GPAT2: variants seen among roughly 807,000 people sequenced by gnomAD.
GPAT2 encodes the protein glycerol-3-phosphate acyltransferase 2, mitochondrial, also known as 1-acylglycerol-3-phosphate O-acyltransferase GPAT2.
In GPAT2, 51 loss-of-function variants were observed where a neutral mutation model predicts 71.0. That is an observed-to-expected ratio of 0.72 (90% confidence interval 0.57 to 0.91). GPAT2 has a LOEUF of 0.91. GPAT2 is among the 40% of genes least tolerant of loss of function. The probability of loss-of-function intolerance (pLI) is 0.00; values close to 1 mark genes in which losing one functional copy is unlikely to be tolerated. For missense variants in GPAT2, 511 were observed against 666.0 expected, an observed-to-expected ratio of 0.77 and a Z score of 2.56; for synonymous variants, 222 against 290.3, an observed-to-expected ratio of 0.76 and a Z score of 2.39.
At position 96,022,730 on chromosome 2, in the gene GPAT2, A is replaced by G; in HGVS notation, c.2234-7T>C. The G allele has an allele frequency of 6.2e-7, 1 of 1,613,986 alleles. No individual in the cohort carries two copies. Among genetic ancestry groups the G allele is most frequent in the Non-Finnish European group, 8.5e-7 (1 of 1,179,864 alleles). On this transcript the variant is annotated splice_polypyrimidine_tract_variant and splice_region_variant and intron_variant, in intron 20 of 21. Coordinates refer to ENST00000434632, the MANE Select transcript of GPAT2 (RefSeq NM_001321527.2). ...AGCTTTGGGTCCGCACACTCTGGAA[A>G]GAAGAGAGAAGTGAAGGCTCTAGGT...
Position 96,026,021 on chromosome 2 carries a change from G to A in GPAT2, c.1156-9C>T, listed in dbSNP as rs752412297. On this transcript the variant is annotated splice_polypyrimidine_tract_variant and intron_variant, in intron 11 of 21. Coordinates refer to ENST00000434632, the MANE Select transcript of GPAT2 (RefSeq NM_001321527.2). ...GCACTGACGATGTATTCCTGCCCAA[G>A]AGAAGGCTCTTAGGTGGCCTGCTCG... 4 of 1,612,634 alleles carry A rather than the reference G, an allele frequency of 2.5e-6. No homozygotes were observed. The highest frequency in any genetic ancestry group is 2.5e-6 in the Non-Finnish European group (3 of 1,179,714).
At chr2:96,024,726 C>G (rs758112569) in intron 14 of GPAT2, 41 bp from the exon 15 acceptor site, 4 of 1,612,458 alleles carry the variant, frequency 2.5e-6, no homozygotes, top group Non-Finnish European at 3.4e-6. Context: ...GGCCACACAT[C>G]GCCACCCCCC....
intron 13 of GPAT2, 119 bp from the exon 14 acceptor site, chr2:96,024,962 G>C: frequency 8.7e-7 from 1 of 1,146,452 alleles, no homozygotes; most frequent in South Asian, 1.2e-5. Flanking sequence ...GATGAGGAAC[G>C]TACACCCGGA....
chr2:96,024,682 C>T lies in GPAT2; in HGVS notation c.1432G>A (p.Val478Met), dbSNP rs201311359. The T allele has an allele frequency of 1.2e-6, 2 of 1,613,840 alleles. No homozygotes were observed. The highest frequency in any genetic ancestry group is 1.7e-6 in the Non-Finnish European group (2 of 1,179,932). Residue 478 changes from valine (V) to methionine (M), a missense_variant, in exon 15 of 22, where the codon GTG (valine) becomes ATG (methionine). Val to Met is a conservative substitution (Grantham distance 21, BLOSUM62 1). Around this residue, in one of 7 missense-constraint regions of GPAT2, gnomAD observed 295 missense variants for 305.5 expected, o/e 0.97. Transcript: ENST00000434632. ...TCCCCCAGGAGCTGCGACAGGAACA[C>T]ACCCTGGGTGGGCAGAGCAGGGCTA... ...TLLLFKHQKG[V>M]FLSQLLGEFS...
chr2:96,022,026 A>G lies in GPAT2; in HGVS notation c.*133T>C. ...AGAAGGGAAAAAGCAAGAGATGGCA[A>G]GGGACAATCAAGCCTCAATGATTAT... is the stretch of plus-strand genomic sequence containing the variant. On this transcript the variant is annotated 3_prime_UTR_variant, in exon 22 of 22. Transcript: ENST00000434632. 1 of 1,468,998 alleles carries G rather than the reference A, an allele frequency of 6.8e-7. No homozygotes were observed. Among genetic ancestry groups the G allele is most frequent in the Non-Finnish European group, 9.0e-7 (1 of 1,107,242 alleles). 91.0% of individuals were successfully genotyped at this position (1,468,998 alleles called of 1,614,324 possible). A position where few individuals can be genotyped will look rare whatever the true frequency, so the allele number is the denominator to read the frequency against.
Position 96,025,034 on chromosome 2 carries a change from A to C in GPAT2, c.1358-191T>G, listed in dbSNP as rs796588865. 3.0e-5 allele frequency: 20 copies of C among 661,752 alleles called. No individual in the cohort carries two copies. The African/African-American group carries it at 3.6e-4, about 12-fold the overall frequency. The allele number at this position is 661,752 out of a possible 1,614,324, so 41.0% of individuals were successfully genotyped here. A position where few individuals can be genotyped will look rare whatever the true frequency, so the allele number is the denominator to read the frequency against. ...CCAGGAGCTGGGGGCCTTCCCCTGG[A>C]TCTCATCGTAGGGCCCACACATCAA... On this transcript the variant is annotated intron_variant, in intron 13 of 21. Transcript: ENST00000434632.
rs1680107415 is a variant in GPAT2 at position 96,024,343 on chromosome 2, G to C, written c.1688-6C>G. ...CAGCCCCCGCACTGCACAGGCTGGG[G>C]GCGGAGGGTCCATTATGAAGAAGGA... On this transcript the variant is annotated splice_region_variant and splice_polypyrimidine_tract_variant and intron_variant, in intron 15 of 21. Transcript: ENST00000434632. The C allele has an allele frequency of 6.3e-7, 1 of 1,594,588 alleles. No individual in the cohort carries two copies. Among genetic ancestry groups the C allele is most frequent in the Non-Finnish European group, 8.6e-7 (1 of 1,167,750 alleles).
In GPAT2 at chr2:96,022,245, G is replaced by A; in HGVS notation, c.2320C>T (p.Pro774Ser). 1 of 1,606,372 alleles carries A rather than the reference G, an allele frequency of 6.2e-7. No individual in the cohort carries two copies. Among genetic ancestry groups the A allele is most frequent in the Non-Finnish European group, 8.5e-7 (1 of 1,176,632 alleles). ...AAAGTAGGGGACAGGTGGAGCCTGGGGCCTGCAGGGCTCGGCGTCTGCTGC... is the reference window on the plus strand; with the variant it reads ...AAAGTAGGGGACAGGTGGAGCCTGGAGCCTGCAGGGCTCGGCGTCTGCTGC... Reference protein sequence around the residue: ...VLQQTPSPAGPRLHLSPTFAS... With the variant: ...VLQQTPSPAGSRLHLSPTFAS... The change falls in exon 22 of 22, where the codon CCC becomes TCC. Residue 774 changes from proline to serine, a missense_variant. Pro to Ser is a moderately conservative substitution (Grantham distance 74). Transcript: ENST00000434632.
Position 96,023,929 on chromosome 2 carries a change from A to T in GPAT2, c.1908T>A (p.Ala636=), listed in dbSNP as rs372898510. Residue 636 remains alanine (A), a synonymous_variant, in exon 17 of 22, where the codon GCT becomes GCA. Coordinates refer to ENST00000434632, the MANE Select transcript of GPAT2 (RefSeq NM_001321527.2). ...DRLIQCGLLV[A]EETPGSRPAC... ...CTCCAACTGCCCTGCCTACCTCCTC[A>T]GCAACCAGGAGCCCGCATTGGATGA... 425 of 1,599,166 alleles carry T rather than the reference A, an allele frequency of 2.7e-4. 2 individuals carry two copies. In the African/African-American group the frequency reaches 5.2e-3, roughly 19 times the overall value.
Position 96,023,025 on chromosome 2 carries a change from T to A in GPAT2, c.2168-2A>T. On this transcript the variant is annotated splice_acceptor_variant, in intron 19 of 21. Coordinates refer to ENST00000434632, the MANE Select transcript of GPAT2 (RefSeq NM_001321527.2). LOFTEE classifies it high-confidence loss of function. ...ACAGCTGCTCTGTGTAGCCCAACTC[T>A]GCAGAAGAGAGAAGACCTAGACCTG... 6.2e-7 allele frequency: 1 copy of A among 1,613,972 alleles called. No individual in the cohort carries two copies. Among genetic ancestry groups the A allele is most frequent in the Non-Finnish European group, 8.5e-7 (1 of 1,179,856 alleles).
intron 10 of GPAT2, 172 bp from the exon 11 acceptor site, chr2:96,026,477 C>T: frequency 2.1e-6 from 1 of 484,444 alleles, no homozygotes; most frequent in Admixed American, 4.5e-5. Flanking sequence ...TTTCCTTATC[C>T]ATGACACAGG....
chr2:96,025,033 G>C lies in GPAT2; in HGVS notation c.1358-190C>G, dbSNP rs539072144. ...GCCAGGAGCTGGGGGCCTTCCCCTG[G>C]ATCTCATCGTAGGGCCCACACATCA... On this transcript the variant is annotated intron_variant, in intron 13 of 21. Transcript: ENST00000434632. The C allele has an allele frequency of 8.3e-5, 55 of 665,954 alleles. 1 individual carries two copies. In the South Asian group the frequency reaches 9.8e-4, roughly 12 times the overall value. 41.3% of individuals were successfully genotyped at this position (665,954 alleles called of 1,614,324 possible). A position where few individuals can be genotyped will look rare whatever the true frequency, so the allele number is the denominator to read the frequency against.
intron 3 of GPAT2, 132 bp downstream of exon 3, chr2:96,031,901 C>G: frequency 9.6e-7 from 1 of 1,040,310 alleles, no homozygotes. Context: ...CATCCATTCC[C>G]CTGAAAGACA....
chr2:96,025,595 A>C lies in GPAT2; in HGVS notation c.1247T>G (p.Val416Gly), dbSNP rs748960639. Reference sequence around the variant, plus strand: ...CTCCTGCTCCTTCTCAGTGTCTGGGACAGCAGTACTGAGATAGAGACACAG... The same window carrying C: ...CTCCTGCTCCTTCTCAGTGTCTGGGCCAGCAGTACTGAGATAGAGACACAG... The part of the protein sequence containing the change: ...QPIVLGQCTA[V>G]PDTEKEQEWT... The change falls in exon 13 of 22, where the codon GTC becomes GGC. Residue 416 changes from valine to glycine, a missense_variant. Physicochemically the swap from Val to Gly is moderately radical, Grantham distance 109 (BLOSUM62 -3). Around this residue, in one of 7 missense-constraint regions of GPAT2, gnomAD observed 79 missense variants for 111.4 expected, o/e 0.71. Coordinates refer to ENST00000434632, the MANE Select transcript of GPAT2 (RefSeq NM_001321527.2). 6.4e-7 allele frequency: 1 copy of C among 1,570,792 alleles called. No homozygotes were observed. The highest frequency in any genetic ancestry group is 1.2e-5 in the South Asian group (1 of 85,952).
Position 96,022,288 on chromosome 2 carries a change from A to G in GPAT2, c.2290-13T>C. 6.3e-7 allele frequency: 1 copy of G among 1,581,868 alleles called. No homozygotes were observed. The highest frequency in any genetic ancestry group is 1.1e-5 in the South Asian group (1 of 88,056). On this transcript the variant is annotated splice_polypyrimidine_tract_variant and intron_variant, in intron 21 of 21. Transcript: ENST00000434632. ...TCTGCTGCAGAACCTGGGCCATGGA[A>G]GATAAGCCGTGAGTGCGCTCACCAC...
At position 96,024,655 on chromosome 2, in the gene GPAT2, A is replaced by T; in HGVS notation, c.1459T>A (p.Phe487Ile). The change falls in exon 15 of 22, where the codon TTC (phenylalanine) becomes ATC (isoleucine). Residue 487 changes from phenylalanine (F) to isoleucine (I), a missense_variant. Transcript: ENST00000434632. ...AGTATCTCCTCCGTCAGCCAGGAGA[A>T]CTCCCCCAGGAGCTGCGACAGGAAC... ...GVFLSQLLGE[F>I]SWLTEEILLR... The T allele has an allele frequency of 6.2e-7, 1 of 1,613,218 alleles. No homozygotes were observed. Among genetic ancestry groups the T allele is most frequent in the Non-Finnish European group, 8.5e-7 (1 of 1,179,808 alleles).
rs1346293519 is a variant in GPAT2, at chr2:96,030,605, TAAGG to T, written c.357-75_357-72del. The T allele has an allele frequency of 2.5e-6, 2 of 794,728 alleles. 1 individual carries two copies. The highest frequency in any genetic ancestry group is 3.6e-6 in the Non-Finnish European group (2 of 556,268). The allele number at this position is 794,728 out of a possible 1,614,324, so 49.2% of individuals were successfully genotyped here. Reference sequence around the variant, plus strand: ...AGCCTCCAGTCTTCACTCTCCTCCTTAAGGAAGGGTTCCAGGCAAAGCTCATGCT... The same window carrying T: ...AGCCTCCAGTCTTCACTCTCCTCCTTAAGGGTTCCAGGCAAAGCTCATGCT... On this transcript the variant is annotated intron_variant, in intron 5 of 21. Coordinates refer to ENST00000434632, the MANE Select transcript of GPAT2 (RefSeq NM_001321527.2).
In GPAT2 at chr2:96,025,989, G is replaced by A. The variant is rs1224241365; in HGVS notation, c.1179C>T (p.Ser393=). Residue 393 remains serine (S), a synonymous_variant, in exon 12 of 22, where the codon AGC becomes AGT. Coordinates refer to ENST00000434632, the MANE Select transcript of GPAT2 (RefSeq NM_001321527.2). ...CCAGGGTCTGTCTGCCGCCCCAGCA[G>A]CTTCTGGCACTGACGATGTATTCCT... is the stretch of plus-strand genomic sequence containing the variant. ...SLQEYIVSAR[S]CWGGRQTLEQ... is the part of the protein sequence containing the mutation. 2 of 1,612,700 alleles carry A rather than the reference G, an allele frequency of 1.2e-6. No homozygotes were observed. Among genetic ancestry groups the A allele is most frequent in the Non-Finnish European group, 1.7e-6 (2 of 1,179,802 alleles).
Position 96,024,536 on chromosome 2 carries a change from G to A in GPAT2, c.1578C>T (p.Arg526=), listed in dbSNP as rs1308601661. 2 of 1,613,758 alleles carry A rather than the reference G, an allele frequency of 1.2e-6. No homozygotes were observed. The highest frequency in any genetic ancestry group is 1.3e-5 in the African/African-American group (1 of 74,912). ...CCACCAGCAAGTCACCCTGACGGAT[G>A]CGCAGCAGGGCCACGTGCGCCCGCA... is the stretch of plus-strand genomic sequence containing the variant. The part of the protein sequence containing the change: ...SLLRAHVALL[R]IRQGDLLVVP... Residue 526 remains arginine (R), a synonymous_variant, in exon 15 of 22, where the codon CGC becomes CGT. Transcript: ENST00000434632.
Sources: allele counts gnomAD v4.1 joint callset, GRCh38; gene constraint gnomAD v4.1.1; regional missense constraint gnomAD v4.1.1; transcripts MANE v1.5; gene names NCBI Gene and HGNC (gene_info 2026-07-23, HGNC 2026-07-21).